Variants in C14orf180 observed in about 807,000 individuals in gnomAD.
The protein encoded by C14orf180 is nutritionally-regulated adipose and cardiac enriched protein homolog.
C14orf180 carries 13 observed loss-of-function variants against 13.9 expected under a neutral mutation model. The ratio of observed to expected loss-of-function variants is 0.94; its 90% CI spans 0.61 to 1.49. C14orf180 has a LOEUF of 1.49. C14orf180 is among the 40% of genes most tolerant of loss of function. The probability of loss-of-function intolerance (pLI) is 0.00; values close to 1 mark genes in which losing one functional copy is unlikely to be tolerated. For synonymous variants in C14orf180, 113 were observed against 106.3 expected (o/e 1.06, Z -0.39); for missense variants, 238 against 232.0 (o/e 1.03, Z -0.17).
rs530046546 is a variant in C14orf180, at chr14:104,586,224, G to A, written c.-16-191G>A. ...ATTGCTTGCGATGGCATTTCTGAACGAGCAGGGAACAGGATTTACCTGCAC... is the reference window on the plus strand; with the variant it reads ...ATTGCTTGCGATGGCATTTCTGAACAAGCAGGGAACAGGATTTACCTGCAC... On this transcript the variant is annotated intron_variant, in intron 1 of 4. Coordinates refer to ENST00000557649, the MANE Select transcript of C14orf180 (RefSeq NM_001008404.3). 3.1e-4 allele frequency among the ~76,000 whole-genome samples: 47 copies of A among 152,246 alleles called. 1 individual carries two copies. The South Asian group carries it at 9.3e-3, about 30-fold the overall frequency.
chr14:104,588,926 G>A lies in C14orf180; in HGVS notation c.*143G>A, dbSNP rs1886747009. The stretch of plus-strand genomic sequence containing the variant: ...GCTGCCTGAGGGCTAACTAGGAAAA[G>A]GGGGACCCCGTGGCGTGAGATCGGA... On this transcript the variant is annotated 3_prime_UTR_variant, in exon 5 of 5. Transcript: ENST00000557649. 1.4e-6 allele frequency: 2 copies of A among 1,439,230 alleles called. No individual in the cohort carries two copies. Among genetic ancestry groups the A allele is most frequent in the African/African-American group, 2.9e-5 (2 of 68,188 alleles). 89.2% of individuals were successfully genotyped at this position (1,439,230 alleles called of 1,614,324 possible).
chr14:104,583,813 T>C (rs1311199667), intron 1 of C14orf180, among the ~76,000 whole-genome samples: 1 of 151,716 alleles, frequency 6.6e-6, no homozygotes, highest in African/African-American at 2.4e-5. Context: ...CATACGCAGA[T>C]ACACTCACAC....
At chr14:104,580,328 C>T (rs1324428862) in intron 1 of C14orf180, among the ~76,000 whole-genome samples, 1 of 152,220 alleles carries the variant, frequency 6.6e-6, no homozygotes, top group Non-Finnish European at 1.5e-5. Flanking sequence ...CCCAGGCCGG[C>T]CCTGTGTCCA....
intron 1 of C14orf180, among the ~76,000 whole-genome samples, chr14:104,584,611 T>C (rs1886553343): frequency 6.6e-6 from 1 of 152,074 alleles, no homozygotes; most frequent in Non-Finnish European, 1.5e-5. Context: ...CCAGGTGACC[T>C]GGCCCCAGGA....
At chr14:104,587,571 C>T (rs1886670973) in intron 2 of C14orf180, among the ~76,000 whole-genome samples, 178 bp from the exon 3 acceptor site, 1 of 152,012 alleles carries the variant, frequency 6.6e-6, no homozygotes, top group Non-Finnish European at 1.5e-5. Flanking sequence ...GGCTGCCCTG[C>T]AGTCCCTGTC....
In C14orf180 at chr14:104,583,311, T is replaced by A. The variant is rs551002621; in HGVS notation, c.-16-3104T>A. Among the ~76,000 whole-genome samples, 44 of 152,192 alleles carry A rather than the reference T, an allele frequency of 2.9e-4. 1 individual carries two copies. The highest frequency in any genetic ancestry group is 5.4e-4 in the Non-Finnish European group (37 of 67,982). Reference sequence around the variant, plus strand: ...CCCCAGGGCTCCCGGAGGGGAGGTGTCATCCCATAGGATGTCCTGACTGTC... The same window carrying A: ...CCCCAGGGCTCCCGGAGGGGAGGTGACATCCCATAGGATGTCCTGACTGTC... On this transcript the variant is annotated intron_variant, in intron 1 of 4. Transcript: ENST00000557649.
In C14orf180 at chr14:104,586,498, A is replaced by C; in HGVS notation, c.68A>C (p.Asn23Thr). The change falls in exon 2 of 5, where the codon AAT (asparagine) becomes ACT (threonine). Residue 23 changes from asparagine to threonine, a missense_variant. Asn to Thr is a moderately conservative substitution (Grantham distance 65). Coordinates refer to ENST00000557649, the MANE Select transcript of C14orf180 (RefSeq NM_001008404.3). ...RPETRRQTRK[N>T]EEAAWGPRVC... ...GAGACACGACGTCAGACCAGAAAGA[A>C]TGAGGAGGCCGCGTGGGGCCCGCGG... The C allele has an allele frequency of 6.5e-7, 1 of 1,549,528 alleles. No homozygotes were observed. The highest frequency in any genetic ancestry group is 8.7e-7 in the Non-Finnish European group (1 of 1,146,710).
intron 1 of C14orf180, among the ~76,000 whole-genome samples, chr14:104,583,721 CA>C (rs1030243343): frequency 2.4e-4 from 37 of 152,270 alleles, no homozygotes; most frequent in Middle Eastern, 3.4e-3. Flanking sequence ...GTTAATGCCA[CA>C]GCCAGGCACC....
chr14:104,588,580 C>G lies in C14orf180; in HGVS notation c.280C>G (p.Pro94Ala), dbSNP rs1886720896. ...CCCTGCCTGCCCTCTGGCCGCAGTG[C>G]CCGGCCGGCCCAGGCCACACGGCGG... ...DKNATATVRV[P>A]GRPRPHGGSL... The change falls in exon 5 of 5, where the codon CCC becomes GCC. Residue 94 changes from proline (P) to alanine (A), a missense_variant and splice_region_variant. Coordinates refer to ENST00000557649, the MANE Select transcript of C14orf180 (RefSeq NM_001008404.3). 6.9e-7 allele frequency: 1 copy of G among 1,445,506 alleles called. No individual in the cohort carries two copies. The highest frequency in any genetic ancestry group is 1.4e-5 in the African/African-American group (1 of 70,282). 89.5% of individuals were successfully genotyped at this position (1,445,506 alleles called of 1,614,324 possible).
intron 3 of C14orf180, 90 bp from the exon 4 acceptor site, chr14:104,588,183 TC>T (rs1176604200): frequency 6.7e-7 from 1 of 1,489,792 alleles, no homozygotes; most frequent in East Asian, 2.3e-5. Context: ...AGTCTCAGGG[TC>T]CTTCGGGGGT....
In C14orf180 at chr14:104,589,033, A is replaced by G; in HGVS notation, c.*250A>G. On this transcript the variant is annotated 3_prime_UTR_variant, in exon 5 of 5. Coordinates refer to ENST00000557649, the MANE Select transcript of C14orf180 (RefSeq NM_001008404.3). This position sits in a 1 kb window ranked among gnomAD's most constrained non-coding sequence, Gnocchi z 4.9. ...CTGTGTTGGGTCCATGTGAGATTTT[A>G]TTAGAAAGAGGATTCGACTGCTAAC... The G allele has an allele frequency of 1.4e-6, 1 of 724,318 alleles. No individual in the cohort carries two copies. Among genetic ancestry groups the G allele is most frequent in the Non-Finnish European group, 2.1e-6 (1 of 473,506 alleles). The allele number at this position is 724,318 out of a possible 1,614,324, so 44.9% of individuals were successfully genotyped here. A position where few individuals can be genotyped will look rare whatever the true frequency, so the allele number is the denominator to read the frequency against.
At position 104,588,596 on chromosome 14, in the gene C14orf180, C is replaced by T. The variant is rs775477825; in HGVS notation, c.296C>T (p.Pro99Leu). The change falls in exon 5 of 5, where the codon CCA becomes CTA. Residue 99 changes from proline (P) to leucine (L), a missense_variant. Physicochemically the swap from Pro to Leu is moderately conservative, Grantham distance 98 (BLOSUM62 -3). Coordinates refer to ENST00000557649, the MANE Select transcript of C14orf180 (RefSeq NM_001008404.3). ...ATVRVPGRPR[P>L]HGGSLLLQLC... Reference sequence around the variant, plus strand: ...GCCGCAGTGCCCGGCCGGCCCAGGCCACACGGCGGCTCCCTGCTCCTGCAG... The same window carrying T: ...GCCGCAGTGCCCGGCCGGCCCAGGCTACACGGCGGCTCCCTGCTCCTGCAG... The T allele has an allele frequency of 1.4e-5, 21 of 1,465,124 alleles. No homozygotes were observed. The highest frequency in any genetic ancestry group is 2.1e-4 in the Middle Eastern group (1 of 4,768). 90.8% of individuals were successfully genotyped at this position (1,465,124 alleles called of 1,614,324 possible). A position where few individuals can be genotyped will look rare whatever the true frequency, so the allele number is the denominator to read the frequency against.
At chr14:104,585,425 G>C (rs958437313) in intron 1 of C14orf180, among the ~76,000 whole-genome samples, 1 of 152,236 alleles carries the variant, frequency 6.6e-6, no homozygotes, top group African/African-American at 2.4e-5. Context: ...CCTCTGTAGG[G>C]AGGAGTGCCC....
Position 104,587,826 on chromosome 14 carries a change from G to C in C14orf180, c.189G>C (p.Gln63His), listed in dbSNP as rs999198899. The change falls in exon 3 of 5, where the codon CAG becomes CAC. Residue 63 changes from glutamine to histidine, a missense_variant. Gln to His is a conservative substitution (Grantham distance 24). Transcript: ENST00000557649. ...PEHHRPEAKP[Q>H]RTSRRVWFRE... The stretch of plus-strand genomic sequence containing the variant: ...ACCACCGCCCAGAGGCCAAGCCCCA[G>C]AGGACCTCGAGGCGCGTGTGGTTCC... 2 of 1,612,004 alleles carry C rather than the reference G, an allele frequency of 1.2e-6. No individual in the cohort carries two copies. Among genetic ancestry groups the C allele is most frequent in the Non-Finnish European group, 1.7e-6 (2 of 1,179,388 alleles).
At chr14:104,582,914 G>A (rs539633596) in intron 1 of C14orf180, among the ~76,000 whole-genome samples, 65 of 152,030 alleles carry the variant, frequency 4.3e-4, no homozygotes, top group African/African-American at 1.4e-3. Flanking sequence ...CCCACCTGCC[G>A]AGCATGCCAG....
intron 1 of C14orf180, among the ~76,000 whole-genome samples, chr14:104,585,029 G>A (rs1050973007): frequency 1.1e-4 from 17 of 152,218 alleles, no homozygotes; most frequent in African/African-American, 3.9e-4. Flanking sequence ...CCCTGGAGGA[G>A]TTATCCTTGA....
At position 104,587,883 on chromosome 14, in the gene C14orf180, G is replaced by C. The variant is rs1209762022; in HGVS notation, c.241+5G>C. 1.9e-6 allele frequency: 3 copies of C among 1,600,512 alleles called. No homozygotes were observed. The highest frequency in any genetic ancestry group is 2.6e-6 in the Non-Finnish European group (3 of 1,172,538). On this transcript the variant is annotated splice_donor_5th_base_variant and intron_variant, in intron 3 of 4. Transcript: ENST00000557649. The stretch of plus-strand genomic sequence containing the variant: ...CCCCAGCGGTGACCGTCCACTGTAA[G>C]AGGGCACCCGCAGCAAGCAGCTGGG...
intron 2 of C14orf180, among the ~76,000 whole-genome samples, chr14:104,586,769 G>A (rs1886643033): frequency 6.6e-6 from 1 of 152,212 alleles, no homozygotes; most frequent in Admixed American, 6.5e-5. Context: ...GTGGGGCACA[G>A]CTTGGCAGAG....
At chr14:104,580,358 C>T (rs1886395248) in intron 1 of C14orf180, among the ~76,000 whole-genome samples, 1 of 152,236 alleles carries the variant, frequency 6.6e-6, no homozygotes. Flanking sequence ...CAGGCCGCCT[C>T]TGGGGGAAGC....
Sources: allele counts gnomAD v4.1 joint callset (sites outside exome capture counted in the v4.1 genomes callset), GRCh38; gene constraint gnomAD v4.1.1; non-coding constraint Gnocchi (gnomAD v3.1); transcripts MANE v1.5; gene names NCBI Gene and HGNC (gene_info 2026-07-23, HGNC 2026-07-21).